The following ADAM7 variants were observed in gnomAD, a reference collection of about 807,000 sequenced individuals.
The protein encoded by ADAM7 is ADAM metallopeptidase domain 7.
ADAM7 carries 97 observed loss-of-function variants against 102.9 expected under a neutral mutation model. The observed-to-expected ratio is 0.94, with a 90% CI of 0.80 to 1.12. The LOEUF is 1.12. ADAM7 is among the 50% of genes most tolerant of loss of function. ADAM7 has a pLI of 0.00. For missense variants in ADAM7, 991 were observed against 908.7 expected, an observed-to-expected ratio of 1.09 and a Z score of -1.16; for synonymous variants, 334 against 304.4, an observed-to-expected ratio of 1.10 and a Z score of -1.01.
At chr8:24,495,779 T>C (rs922313816) in intron 16 of ADAM7, among the ~76,000 whole-genome samples, 4 of 152,162 alleles carry the variant, frequency 2.6e-5, no homozygotes, top group Admixed American at 1.3e-4. Context: ...AAGCATTCAA[T>C]AGGTGACTTG....
At chr8:24,465,864 T>C (rs1799111568) in intron 5 of ADAM7, 89 bp downstream of exon 5, 3 of 942,226 alleles carry the variant, frequency 3.2e-6, no homozygotes, top group Non-Finnish European at 4.6e-6. Context: ...TTATCACTCC[T>C]GGTATATAGA....
Position 24,491,903 on chromosome 8 carries a change from A to AT in ADAM7, c.1358dup (p.Ala456SerfsTer11). 1.9e-6 allele frequency: 3 copies of AT among 1,595,162 alleles called. No individual in the cohort carries two copies. The highest frequency in any genetic ancestry group is 2.3e-5 in the South Asian group (2 of 88,044). On this transcript the variant is annotated frameshift_variant and splice_region_variant, in exon 14 of 22. Coordinates refer to ENST00000175238, the MANE Select transcript of ADAM7 (RefSeq NM_003817.4). LOFTEE classifies it high-confidence loss of function. ...TAGTCTCTTTGTTTTTCCTCAACAG[A>AT]TAAAAAAAGCAGGGTCCATATGCAG...
At chr8:24,466,362 G>A (rs1026240350) in intron 5 of ADAM7, among the ~76,000 whole-genome samples, 5 of 152,178 alleles carry the variant, frequency 3.3e-5, no homozygotes, top group Non-Finnish European at 7.4e-5. Context: ...AAATTTGCTT[G>A]ACTAGTTCTT....
chr8:24,489,423 G>T, intron 12 of ADAM7, 90 bp downstream of exon 12: 2 of 1,240,778 alleles, frequency 1.6e-6, no homozygotes, highest in South Asian at 1.9e-5. Context: ...AACCAACCGT[G>T]GTGTTCCTTG....
rs755387849 is a variant in ADAM7 at position 24,466,946 on chromosome 8, T to G, written c.537T>G (p.Thr179=). The G allele has an allele frequency of 2.5e-6, 4 of 1,614,044 alleles. No individual in the cohort carries two copies. The highest frequency in any genetic ancestry group is 3.4e-6 in the Non-Finnish European group (4 of 1,179,970). The change falls in exon 6 of 22, where the codon ACT becomes ACG. Residue 179 remains threonine, a synonymous_variant. Transcript: ENST00000175238. The stretch of plus-strand genomic sequence containing the variant: ...CAGAGCTTAATTTTACCAGAAAAAC[T>G]GTTCCAGGGGATAATGAATCTGAAG... ...SCTELNFTRK[T]VPGDNESEED... is the part of the protein sequence containing the mutation.
chr8:24,495,590 C>A (rs539743611), intron 16 of ADAM7, among the ~76,000 whole-genome samples: 2 of 152,076 alleles, frequency 1.3e-5, no homozygotes, highest in Non-Finnish European at 2.9e-5. Context: ...AAAAATTATT[C>A]AATCTCAGTT....
At position 24,441,037 on chromosome 8, in the gene ADAM7, G is replaced by A; in HGVS notation, c.-72G>A. 1 of 1,408,766 alleles carries A rather than the reference G, an allele frequency of 7.1e-7. No individual in the cohort carries two copies. Among genetic ancestry groups the A allele is most frequent in the Non-Finnish European group, 1.0e-6 (1 of 994,498 alleles). 87.3% of individuals were successfully genotyped at this position (1,408,766 alleles called of 1,614,324 possible). A position where few individuals can be genotyped will look rare whatever the true frequency, so the allele number is the denominator to read the frequency against. On this transcript the variant is annotated 5_prime_UTR_variant, in exon 1 of 22. Coordinates refer to ENST00000175238, the MANE Select transcript of ADAM7 (RefSeq NM_003817.4). ...CTGTGAGGTGCTTCATCCCTGCAGT[G>A]GAAGTGAGGAGGAAGAAAGGTGAAC...
At chr8:24,500,349 T>C in intron 18 of ADAM7, 93 bp downstream of exon 18, 4 of 1,142,856 alleles carry the variant, frequency 3.5e-6, no homozygotes, top group Non-Finnish European at 5.1e-6. Context: ...TTATTTGCTG[T>C]GTTTTGATAT....
Position 24,490,584 on chromosome 8 carries a change from T to C in ADAM7, c.1267-215T>C, listed in dbSNP as rs558655613. ...CTCTAATTCTGTCAATGAGAATCCA[T>C]TACCCGTAATGTACCAAACAGCACG... On this transcript the variant is annotated intron_variant, in intron 12 of 21. Coordinates refer to ENST00000175238, the MANE Select transcript of ADAM7 (RefSeq NM_003817.4). 9 of 502,490 alleles carry C rather than the reference T, an allele frequency of 1.8e-5. No individual in the cohort carries two copies. The East Asian group carries it at 2.9e-4, about 16-fold the overall frequency. The allele number at this position is 502,490 out of a possible 1,614,324, so 31.1% of individuals were successfully genotyped here.
intron 3 of ADAM7, among the ~76,000 whole-genome samples, chr8:24,448,498 G>A (rs1466685908): frequency 2.6e-5 from 4 of 152,068 alleles, no homozygotes; most frequent in Admixed American, 6.6e-5. Context: ...TGAATTTAGT[G>A]CATACCACAG....
chr8:24,454,838 T>C (rs111894588), intron 3 of ADAM7, among the ~76,000 whole-genome samples: 3,253 of 152,274 alleles, frequency 0.021, 59 homozygotes, highest in South Asian at 0.039. Context: ...TAATAAATAC[T>C]TATTTTATAA....
chr8:24,501,693 T>A (rs1387679523), intron 20 of ADAM7, 117 bp downstream of exon 20: 2 of 648,994 alleles, frequency 3.1e-6, no homozygotes, highest in Non-Finnish European at 5.1e-6. Context: ...AGAGGAGCAA[T>A]TTAACATGGT....
At chr8:24,447,993 C>T (rs934842697) in intron 3 of ADAM7, among the ~76,000 whole-genome samples, 3 of 150,766 alleles carry the variant, frequency 2.0e-5, no homozygotes, top group Non-Finnish European at 4.4e-5. Context: ...CAATCCCAAA[C>T]CCTCCCTCTA....
At chr8:24,475,898 A>C (rs1819752867) in intron 7 of ADAM7, 1 of 456,384 alleles carries the variant, frequency 2.2e-6, no homozygotes, top group Non-Finnish European at 4.4e-6. Context: ...TGGACATGAA[A>C]AGTCTGGTTT....
chr8:24,505,834 G>C (rs1433554646), intron 20 of ADAM7, among the ~76,000 whole-genome samples: 1 of 152,174 alleles, frequency 6.6e-6, no homozygotes, highest in Non-Finnish European at 1.5e-5. Flanking sequence ...CCAAAGGAAT[G>C]TGGCTGGTTA....
chr8:24,480,896 A>C (rs548283388), intron 8 of ADAM7, among the ~76,000 whole-genome samples: 87 of 152,214 alleles, frequency 5.7e-4, no homozygotes, highest in Middle Eastern at 3.4e-3. Flanking sequence ...AACAACAAAA[A>C]GAAATAAATA....
intron 6 of ADAM7, among the ~76,000 whole-genome samples, 196 bp from the exon 7 acceptor site, chr8:24,468,571 G>A (rs1476324408): frequency 6.6e-6 from 1 of 151,992 alleles, no homozygotes; most frequent in South Asian, 2.1e-4. Flanking sequence ...AAAATCCGAT[G>A]TATAGGACCC....
intron 7 of ADAM7, among the ~76,000 whole-genome samples, chr8:24,473,204 GA>G (rs1819663019): frequency 6.6e-6 from 1 of 152,028 alleles, no homozygotes; most frequent in South Asian, 2.1e-4. Flanking sequence ...CACAGAATAG[GA>G]AAAGAGGAAA....
At chr8:24,481,632 C>T (rs1009626031) in intron 8 of ADAM7, among the ~76,000 whole-genome samples, 2 of 152,108 alleles carry the variant, frequency 1.3e-5, no homozygotes, top group Non-Finnish European at 2.9e-5. Flanking sequence ...TAGAGCAACC[C>T]CTAATGACAT....
Sources: gnomAD v4.1 joint callset for allele counts (sites outside exome capture counted in the v4.1 genomes callset) on GRCh38, gnomAD v4.1.1 for gene constraint, MANE v1.5 for transcripts, NCBI Gene and HGNC (gene_info 2026-07-23, HGNC 2026-07-21) for gene names.